The following NXNL2 variants were observed in gnomAD, a reference collection of about 807,000 sequenced individuals.
NXNL2 encodes the protein nucleoredoxin-like protein 2.
A neutral mutation model predicts 11.1 loss-of-function variants in NXNL2; 7 were observed. The observed-to-expected ratio is 0.63, with a 90% CI of 0.36 to 1.18. NXNL2 has a LOEUF of 1.18. Ranked by LOEUF, NXNL2 falls within the 50% of genes most tolerant of loss-of-function variation. The probability of loss-of-function intolerance (pLI) is 0.02; values close to 1 mark genes in which losing one functional copy is unlikely to be tolerated. For missense variants in NXNL2, 233 were observed against 217.7 expected (o/e 1.07, Z -0.44); for synonymous variants, 109 against 101.8 (o/e 1.07, Z -0.42).
chr9:88,536,319 G>A (rs575144620), intron 1 of NXNL2, among the ~76,000 whole-genome samples: 1 of 152,134 alleles, frequency 6.6e-6, no homozygotes. Context: ...CCACCTTTGC[G>A]GTTTCATTTT....
At chr9:88,564,031 T>C (rs557549261) in intron 1 of NXNL2, among the ~76,000 whole-genome samples, 1 of 152,050 alleles carries the variant, frequency 6.6e-6, no homozygotes, top group Admixed American at 6.6e-5. Context: ...GCCAACATGG[T>C]GAAACCCTGT....
At chr9:88,583,650 G>A (rs905828160) in intron 1 of NXNL2, among the ~76,000 whole-genome samples, 1 of 152,170 alleles carries the variant, frequency 6.6e-6, no homozygotes, top group Non-Finnish European at 1.5e-5. Context: ...TCATTGCTGT[G>A]GATTGAATTG....
chr9:88,559,257 C>T (rs1218538782), intron 1 of NXNL2, among the ~76,000 whole-genome samples: 1 of 152,062 alleles, frequency 6.6e-6, no homozygotes, highest in Non-Finnish European at 1.5e-5. Flanking sequence ...TGCTCATGGC[C>T]CGTGGACTAC....
chr9:88,571,057 T>C (rs1830255989), intron 1 of NXNL2: 1 of 418,512 alleles, frequency 2.4e-6, no homozygotes, highest in Non-Finnish European at 4.7e-6. Flanking sequence ...AATACTGTTT[T>C]GATGCTTTCT....
chr9:88,578,628 C>T (rs1830375703), downstream of NXNL2, among the ~76,000 whole-genome samples: 1 of 152,224 alleles, frequency 6.6e-6, no homozygotes, highest in African/African-American at 2.4e-5. Flanking sequence ...CAGCCAGGAG[C>T]CGCCGGCCCG....
chr9:88,570,804 G>A (rs1219536989), intron 1 of NXNL2, among the ~76,000 whole-genome samples: 2 of 152,144 alleles, frequency 1.3e-5, no homozygotes, highest in African/African-American at 4.8e-5. Context: ...GTGCAGTGGC[G>A]GGATCTTGGC....
chr9:88,573,558 T>C (rs976943212), intron 2 of NXNL2, among the ~76,000 whole-genome samples: 6 of 152,198 alleles, frequency 3.9e-5, no homozygotes, highest in Admixed American at 1.3e-4. Context: ...ATGTTTTATA[T>C]AGGATCATCA....
At chr9:88,569,043 C>T (rs527623202) in intron 1 of NXNL2, among the ~76,000 whole-genome samples, 1 of 152,144 alleles carries the variant, frequency 6.6e-6, no homozygotes, top group Non-Finnish European at 1.5e-5. Flanking sequence ...ATTTCCACTT[C>T]AGCCTCCTGA....
chr9:88,561,591 A>T (rs1450721240), intron 1 of NXNL2, among the ~76,000 whole-genome samples: 2 of 152,098 alleles, frequency 1.3e-5, no homozygotes, highest in Middle Eastern at 3.2e-3. Flanking sequence ...TAAAAGCCTT[A>T]GAGTGAATTC....
rs780755311 is a variant in NXNL2 at position 88,535,596 on chromosome 9, G to T, written c.162G>T (p.Ala54=). The change falls in exon 1 of 2, where the codon GCG becomes GCT. Residue 54 remains alanine, a synonymous_variant. Coordinates refer to ENST00000375854, the MANE Select transcript of NXNL2 (RefSeq NM_001161625.2). ...CGCTGCTCTGCGACTTCTATACGGC[G>T]CTGGTGGCCGAGGCGCGGCGGCCCG... The part of the protein sequence containing the change: ...FTPLLCDFYT[A]LVAEARRPAP... 2.5e-6 allele frequency: 4 copies of T among 1,609,416 alleles called. No homozygotes were observed. The highest frequency in any genetic ancestry group is 1.7e-5 in the Admixed American group (1 of 59,858).
intron 1 of NXNL2, among the ~76,000 whole-genome samples, chr9:88,583,515 G>A (rs926829696): frequency 1.2e-4 from 19 of 152,154 alleles, no homozygotes; most frequent in East Asian, 3.9e-4. Flanking sequence ...GACTGTTCAC[G>A]GGTGACTCCA....
chr9:88,561,280 G>C (rs1830082056), intron 1 of NXNL2, among the ~76,000 whole-genome samples: 1 of 152,132 alleles, frequency 6.6e-6, no homozygotes, highest in Non-Finnish European at 1.5e-5. Context: ...TCAAACATCA[G>C]ACTCCAAGTT....
At chr9:88,546,234 C>G (rs901157964), downstream of NXNL2, among the ~76,000 whole-genome samples, 10 of 151,524 alleles carry the variant, frequency 6.6e-5, no homozygotes, top group Non-Finnish European at 1.5e-4. Flanking sequence ...GGTAAACGTG[C>G]TTGTAACTGC....
At chr9:88,577,472 G>A (rs992275464), downstream of NXNL2, among the ~76,000 whole-genome samples, 3 of 152,090 alleles carry the variant, frequency 2.0e-5, no homozygotes, top group African/African-American at 7.2e-5. Context: ...CCACAGGCTG[G>A]GGGCTCAAAT....
downstream of NXNL2, among the ~76,000 whole-genome samples, chr9:88,548,339 CAAAAAAAAAAAAAAAAAAAAAAAAAAAA>C (rs60796870): frequency 0.083 from 2,574 of 31,106 alleles, 106 homozygotes; most frequent in African/African-American, 0.2. Flanking sequence ...GACTTTTTCT[CAAAAAAAAAAAAAAAAAAAAAAAAAAAA>C]AAAAAAAAAA....
downstream of NXNL2, among the ~76,000 whole-genome samples, chr9:88,546,551 G>A (rs1213232653): frequency 6.6e-6 from 1 of 151,662 alleles, no homozygotes; most frequent in Non-Finnish European, 1.5e-5. Flanking sequence ...GAGTAGCTGG[G>A]ATTAGAGGCG....
At chr9:88,537,132 TG>T (rs1334970466) in intron 1 of NXNL2, among the ~76,000 whole-genome samples, 1 of 152,118 alleles carries the variant, frequency 6.6e-6, no homozygotes, top group Non-Finnish European at 1.5e-5. Context: ...ATACATCACG[TG>T]GTTGTTGTCA....
chr9:88,547,276 C>A (rs971656514), downstream of NXNL2, among the ~76,000 whole-genome samples: 7 of 152,222 alleles, frequency 4.6e-5, no homozygotes, highest in African/African-American at 1.4e-4. Context: ...AGGCCTGGGG[C>A]AGGTGGGGGC....
intron 1 of NXNL2, among the ~76,000 whole-genome samples, chr9:88,537,013 G>A (rs890462492): frequency 2.0e-5 from 3 of 152,222 alleles, no homozygotes; most frequent in Non-Finnish European, 4.4e-5. Context: ...GTTTGAAAGC[G>A]AGAGACGATG....
Sources: gnomAD v4.1 joint callset for allele counts (sites outside exome capture counted in the v4.1 genomes callset) on GRCh38, gnomAD v4.1.1 for gene constraint, MANE v1.5 for transcripts, NCBI Gene and HGNC (gene_info 2026-07-23, HGNC 2026-07-21) for gene names.